Variants in HSPA6 observed in about 807,000 individuals in gnomAD.
The protein encoded by HSPA6 is heat shock protein family A (Hsp70) member 6.
For synonymous variants in HSPA6, 312 were observed against 368.2 expected (o/e 0.85, Z 1.75); for missense variants, 718 against 860.9 (o/e 0.83, Z 2.08).
rs41297712 is a variant in HSPA6, at chr1:161,525,201, T to A, written c.543T>A (p.Ala181=). ...GGATCATCAATGAGCCCACGGCAGC[T>A]GCCATCGCCTATGGGCTGGACCGGC... ...VLRIINEPTA[A]AIAYGLDRRG... The change falls in exon 1 of 1, where the codon GCT becomes GCA. Residue 181 remains alanine (A), a synonymous_variant. Coordinates refer to ENST00000309758, the MANE Select transcript of HSPA6 (RefSeq NM_002155.5). The A allele has an allele frequency of 1.4e-3, 2,238 of 1,613,952 alleles. 28 individuals carry two copies. In the African/African-American group the frequency reaches 0.025, roughly 18 times the overall value.
chr1:161,526,159 A>G lies in HSPA6; in HGVS notation c.1501A>G (p.Asn501Asp), dbSNP rs143965374. The G allele has an allele frequency of 7.4e-6, 12 of 1,613,852 alleles. 1 individual carries two copies. The highest frequency in any genetic ancestry group is 1.0e-5 in the Non-Finnish European group (12 of 1,179,894). The change falls in exon 1 of 1, where the codon AAC (asparagine) becomes GAC (aspartate). Residue 501 changes from asparagine to aspartate, a missense_variant. Physicochemically the swap from Asn to Asp is conservative, Grantham distance 23 (BLOSUM62 1). Transcript: ENST00000309758. ...TATDRSTGKA[N>D]KITITNDKGR... Reference sequence around the variant, plus strand: ...CACTGACAGGAGCACAGGTAAGGCTAACAAGATCACCATCACCAATGACAA... The same window carrying G: ...CACTGACAGGAGCACAGGTAAGGCTGACAAGATCACCATCACCAATGACAA...
chr1:161,526,365 G>A lies in HSPA6; in HGVS notation c.1707G>A (p.Arg569=). ...GGGACAAGATTCCCGAAGAGGACAG[G>A]CGCAAAATGCAAGACAAGTGTCGGG... ...SLRDKIPEED[R]RKMQDKCREV... is the part of the protein sequence containing the mutation. The change falls in exon 1 of 1, where the codon AGG becomes AGA. Residue 569 remains arginine, a synonymous_variant. Coordinates refer to ENST00000309758, the MANE Select transcript of HSPA6 (RefSeq NM_002155.5). 2 of 1,602,344 alleles carry A rather than the reference G, an allele frequency of 1.2e-6. No individual in the cohort carries two copies. The highest frequency in any genetic ancestry group is 8.5e-7 in the Non-Finnish European group (1 of 1,173,718).
At position 161,525,299 on chromosome 1, in the gene HSPA6, T is replaced by A. The variant is rs753179782; in HGVS notation, c.641T>A (p.Ile214Asn). 30 of 1,613,852 alleles carry A rather than the reference T, an allele frequency of 1.9e-5. No homozygotes were observed. Among genetic ancestry groups the A allele is most frequent in the Non-Finnish European group, 2.4e-5 (28 of 1,179,900 alleles). ...ACCTTCGATGTGTCGGTTCTCTCCA[T>A]TGACGCTGGTGTCTTTGAGGTGAAA... The part of the protein sequence containing the change: ...GGTFDVSVLS[I>N]DAGVFEVKAT... Residue 214 changes from isoleucine (I) to asparagine (N), a missense_variant, in exon 1 of 1, where the codon ATT (isoleucine) becomes AAT (asparagine). By Grantham distance (149) the Ile-to-Asn change is moderately radical (BLOSUM62 -3). Transcript: ENST00000309758.
Position 161,525,547 on chromosome 1 carries a change from A to C in HSPA6, c.889A>C (p.Thr297Pro). 1 of 1,613,518 alleles carries C rather than the reference A, an allele frequency of 6.2e-7. No individual in the cohort carries two copies. The highest frequency in any genetic ancestry group is 8.5e-7 in the Non-Finnish European group (1 of 1,179,734). ...DSLFEGVDFY[T>P]SITRARFEEL... ...CCTGTTCGAGGGCGTGGACTTCTAC[A>C]CGTCCATCACTCGTGCCCGCTTTGA... Residue 297 changes from threonine to proline, a missense_variant, in exon 1 of 1, where the codon ACG (threonine) becomes CCG (proline). Transcript: ENST00000309758.
Position 161,525,693 on chromosome 1 carries a change from C to T in HSPA6, c.1035C>T (p.Ile345=). ...TCCTGGTGGGGGGCTCCACACGCAT[C>T]CCCAAGGTGCAGAAGTTGCTGCAGG... ...DVVLVGGSTR[I]PKVQKLLQDF... The change falls in exon 1 of 1, where the codon ATC becomes ATT. Residue 345 remains isoleucine (I), a synonymous_variant. Transcript: ENST00000309758. 6.2e-7 allele frequency: 1 copy of T among 1,613,646 alleles called. No homozygotes were observed. The highest frequency in any genetic ancestry group is 8.5e-7 in the Non-Finnish European group (1 of 1,179,796).
In HSPA6 at chr1:161,524,695, C is replaced by G. The variant is rs1676616841; in HGVS notation, c.37C>G (p.Leu13Val). Reference protein sequence around the residue: ...APRELAVGIDLGTTYSCVGVF... With the variant: ...APRELAVGIDVGTTYSCVGVF... ...ACGGGAGCTCGCGGTGGGCATCGAC[C>G]TGGGCACCACCTACTCGTGCGTGGG... The change falls in exon 1 of 1, where the codon CTG becomes GTG. Residue 13 changes from leucine (L) to valine (V), a missense_variant. By Grantham distance (32) the Leu-to-Val change is conservative. Transcript: ENST00000309758. 2 of 1,408,644 alleles carry G rather than the reference C, an allele frequency of 1.4e-6. No individual in the cohort carries two copies. Among genetic ancestry groups the G allele is most frequent in the East Asian group, 2.5e-5 (1 of 40,772 alleles). 87.3% of individuals were successfully genotyped at this position (1,408,644 alleles called of 1,614,324 possible).
In HSPA6 at chr1:161,526,230, C is replaced by T. The variant is rs780744551; in HGVS notation, c.1572C>T (p.Ala524=). 6 of 1,613,734 alleles carry T rather than the reference C, an allele frequency of 3.7e-6. No individual in the cohort carries two copies. Among genetic ancestry groups the T allele is most frequent in the African/African-American group, 1.3e-5 (1 of 74,832 alleles). ...AGGTGGAGAGGATGGTTCATGAAGC[C>T]GAGCAGTACAAGGCTGAGGATGAGG... is the stretch of plus-strand genomic sequence containing the variant. ...KEEVERMVHE[A]EQYKAEDEAQ... is the part of the protein sequence containing the mutation. Residue 524 remains alanine (A), a synonymous_variant, in exon 1 of 1, where the codon GCC becomes GCT. Coordinates refer to ENST00000309758, the MANE Select transcript of HSPA6 (RefSeq NM_002155.5).
In HSPA6 at chr1:161,524,559, T is replaced by G. The variant is rs425949; in HGVS notation, c.-100T>G. Reference sequence around the variant, plus strand: ...CTGAGCAGATCCGAGCCGGGCTGGCTGCAGAGAAACCGCAGGGAGAGCCTC... The same window carrying G: ...CTGAGCAGATCCGAGCCGGGCTGGCGGCAGAGAAACCGCAGGGAGAGCCTC... On this transcript the variant is annotated 5_prime_UTR_variant, in exon 1 of 1. Transcript: ENST00000309758. 2.3e-4 allele frequency: 335 copies of G among 1,431,428 alleles called. 3 individuals are homozygous for G. The highest frequency in any genetic ancestry group is 1.4e-3 in the East Asian group (57 of 41,108). The allele number at this position is 1,431,428 out of a possible 1,614,324, so 88.7% of individuals were successfully genotyped here. A position where few individuals can be genotyped will look rare whatever the true frequency, so the allele number is the denominator to read the frequency against.
In HSPA6 at chr1:161,526,840, C is replaced by T. The variant is rs10919261; in HGVS notation, c.*250C>T. 10 of 404,838 alleles carry T rather than the reference C, an allele frequency of 2.5e-5. No homozygotes were observed. The Admixed American group carries it at 3.3e-4, about 13-fold the overall frequency. 25.1% of individuals were successfully genotyped at this position (404,838 alleles called of 1,614,324 possible). On this transcript the variant is annotated 3_prime_UTR_variant, in exon 1 of 1. Transcript: ENST00000309758. Reference sequence around the variant, plus strand: ...ATTGCTTTCACCTATATTTTGTGTACTTTGTTACTTGCATGTATGAATTTT... The same window carrying T: ...ATTGCTTTCACCTATATTTTGTGTATTTTGTTACTTGCATGTATGAATTTT...
chr1:161,526,641 C>G lies in HSPA6; in HGVS notation c.*51C>G. ...TGACTGTCAGGGCTATGCTATGGGC[C>G]TTCTAGACTGTCTTCTATGATCCTG... On this transcript the variant is annotated 3_prime_UTR_variant, in exon 1 of 1. Coordinates refer to ENST00000309758, the MANE Select transcript of HSPA6 (RefSeq NM_002155.5). 6.9e-7 allele frequency: 1 copy of G among 1,443,292 alleles called. No individual in the cohort carries two copies. The highest frequency in any genetic ancestry group is 9.3e-7 in the Non-Finnish European group (1 of 1,075,342). 89.4% of individuals were successfully genotyped at this position (1,443,292 alleles called of 1,614,324 possible). A position where few individuals can be genotyped will look rare whatever the true frequency, so the allele number is the denominator to read the frequency against.
Position 161,525,514 on chromosome 1 carries a change from A to G in HSPA6, c.856A>G (p.Ile286Val). 1.2e-6 allele frequency: 2 copies of G among 1,613,510 alleles called. No individual in the cohort carries two copies. Among genetic ancestry groups the G allele is most frequent in the Non-Finnish European group, 8.5e-7 (1 of 1,179,716 alleles). Reference sequence around the variant, plus strand: ...CTCCAGCACCCAGGCCACCCTGGAGATAGACTCCCTGTTCGAGGGCGTGGA... The same window carrying G: ...CTCCAGCACCCAGGCCACCCTGGAGGTAGACTCCCTGTTCGAGGGCGTGGA... The part of the protein sequence containing the change: ...LSSSTQATLE[I>V]DSLFEGVDFY... Residue 286 changes from isoleucine to valine, a missense_variant, in exon 1 of 1, where the codon ATA (isoleucine) becomes GTA (valine). Physicochemically the swap from Ile to Val is conservative, Grantham distance 29 (BLOSUM62 3). Transcript: ENST00000309758.
chr1:161,526,212 G>T lies in HSPA6; in HGVS notation c.1554G>T (p.Glu518Asp). 6.2e-7 allele frequency: 1 copy of T among 1,613,968 alleles called. No homozygotes were observed. Among genetic ancestry groups the T allele is most frequent in the Non-Finnish European group, 8.5e-7 (1 of 1,179,940 alleles). The change falls in exon 1 of 1, where the codon GAG (glutamate) becomes GAT (aspartate). Residue 518 changes from glutamate to aspartate, a missense_variant. Glu to Asp is a conservative substitution (Grantham distance 45). Coordinates refer to ENST00000309758, the MANE Select transcript of HSPA6 (RefSeq NM_002155.5). The stretch of plus-strand genomic sequence containing the variant: ...GCCGGCTGAGCAAGGAGGAGGTGGA[G>T]AGGATGGTTCATGAAGCCGAGCAGT... Reference protein sequence around the residue: ...DKGRLSKEEVERMVHEAEQYK... With the variant: ...DKGRLSKEEVDRMVHEAEQYK...
In HSPA6 at chr1:161,526,353, C is replaced by G. The variant is rs565491623; in HGVS notation, c.1695C>G (p.Pro565=). Residue 565 remains proline, a synonymous_variant, in exon 1 of 1, where the codon CCC becomes CCG. Transcript: ENST00000309758. ...AGGAAAGCCTTAGGGACAAGATTCCCGAAGAGGACAGGCGCAAAATGCAAG... is the reference window on the plus strand; with the variant it reads ...AGGAAAGCCTTAGGGACAAGATTCCGGAAGAGGACAGGCGCAAAATGCAAG... ...LQEESLRDKI[P]EEDRRKMQDK... is the part of the protein sequence containing the mutation. 18 of 1,602,754 alleles carry G rather than the reference C, an allele frequency of 1.1e-5. No individual in the cohort carries two copies. The highest frequency in any genetic ancestry group is 8.5e-7 in the Non-Finnish European group (1 of 1,174,090).
Position 161,525,194 on chromosome 1 carries a change from C to A in HSPA6, c.536C>A (p.Thr179Lys). 1 of 1,614,008 alleles carries A rather than the reference C, an allele frequency of 6.2e-7. No homozygotes were observed. ...GTGTTGCGGATCATCAATGAGCCCA[C>A]GGCAGCTGCCATCGCCTATGGGCTG... Reference protein sequence around the residue: ...LNVLRIINEPTAAAIAYGLDR... With the variant: ...LNVLRIINEPKAAAIAYGLDR... Residue 179 changes from threonine (T) to lysine (K), a missense_variant, in exon 1 of 1, where the codon ACG becomes AAG. Transcript: ENST00000309758.
chr1:161,525,756 C>T lies in HSPA6; in HGVS notation c.1098C>T (p.Asn366=), dbSNP rs747731136. ...GCAAGGAGCTGAACAAGAGCATCAA[C>T]CCTGATGAGGCTGTGGCCTATGGGG... is the stretch of plus-strand genomic sequence containing the variant. ...FNGKELNKSI[N]PDEAVAYGAA... Residue 366 remains asparagine (N), a synonymous_variant, in exon 1 of 1, where the codon AAC becomes AAT. Transcript: ENST00000309758. 1.2e-6 allele frequency: 2 copies of T among 1,608,048 alleles called. No homozygotes were observed. The highest frequency in any genetic ancestry group is 2.2e-5 in the South Asian group (2 of 90,402).
Position 161,526,026 on chromosome 1 carries a change from C to G in HSPA6, c.1368C>G (p.Asn456Lys). ...AGAGGGCCATGACCAAGGACAACAA[C>G]CTGCTGGGGCGTTTTGAACTCAGTG... ...EGERAMTKDNNLLGRFELSGI... is the reference protein window; with the variant it reads ...EGERAMTKDNKLLGRFELSGI... The change falls in exon 1 of 1, where the codon AAC (asparagine) becomes AAG (lysine). Residue 456 changes from asparagine (N) to lysine (K), a missense_variant. Coordinates refer to ENST00000309758, the MANE Select transcript of HSPA6 (RefSeq NM_002155.5). 3.1e-6 allele frequency: 5 copies of G among 1,613,740 alleles called. No homozygotes were observed. The highest frequency in any genetic ancestry group is 4.2e-6 in the Non-Finnish European group (5 of 1,179,814).
chr1:161,525,810 G>T lies in HSPA6; in HGVS notation c.1152G>T (p.Gly384=). Residue 384 remains glycine (G), a synonymous_variant, in exon 1 of 1, where the codon GGG becomes GGT. Coordinates refer to ENST00000309758, the MANE Select transcript of HSPA6 (RefSeq NM_002155.5). ...GAAVQAAVLM[G]DKCEKVQDLL... is the part of the protein sequence containing the mutation. ...CTGTGCAGGCGGCCGTGTTGATGGG[G>T]GACAAATGTGAGAAAGTGCAGGATC... 1 of 1,596,234 alleles carries T rather than the reference G, an allele frequency of 6.3e-7. No individual in the cohort carries two copies. Among genetic ancestry groups the T allele is most frequent in the Non-Finnish European group, 8.6e-7 (1 of 1,169,480 alleles).
Position 161,526,797 on chromosome 1 carries a change from C to T in HSPA6, c.*207C>T, listed in dbSNP as rs1440698704. 2.1e-6 allele frequency: 1 copy of T among 472,784 alleles called. No homozygotes were observed. Among genetic ancestry groups the T allele is most frequent in the Non-Finnish European group, 3.8e-6 (1 of 261,284 alleles). 29.3% of individuals were successfully genotyped at this position (472,784 alleles called of 1,614,324 possible). ...ATAAAAAGTCATTAATTTATTAAAA[C>T]TTGTGTGGCACTTTAACATTGCTTT... On this transcript the variant is annotated 3_prime_UTR_variant, in exon 1 of 1. Transcript: ENST00000309758.
Position 161,525,879 on chromosome 1 carries a change from A to G in HSPA6, c.1221A>G (p.Thr407=). ...DVAPLSLGLE[T]AGGVMTTLIQ... ...CTCCCCTGTCTCTGGGGCTGGAGACAGCAGGTGGGGTGATGACCACGCTGA... is the reference window on the plus strand; with the variant it reads ...CTCCCCTGTCTCTGGGGCTGGAGACGGCAGGTGGGGTGATGACCACGCTGA... The change falls in exon 1 of 1, where the codon ACA becomes ACG. Residue 407 remains threonine, a synonymous_variant. Coordinates refer to ENST00000309758, the MANE Select transcript of HSPA6 (RefSeq NM_002155.5). 3 of 1,593,828 alleles carry G rather than the reference A, an allele frequency of 1.9e-6. No individual in the cohort carries two copies. The highest frequency in any genetic ancestry group is 2.6e-6 in the Non-Finnish European group (3 of 1,167,354).
Sources: gnomAD v4.1 joint callset for allele counts on GRCh38, gnomAD v4.1.1 for gene constraint, MANE v1.5 for transcripts, NCBI Gene and HGNC (gene_info 2026-07-23, HGNC 2026-07-21) for gene names.